RIMS2: variants seen among roughly 807,000 people sequenced by gnomAD.
RIMS2 encodes regulating synaptic membrane exocytosis protein 2.
A neutral mutation model predicts 174.4 loss-of-function variants in RIMS2; 59 were observed. The ratio of observed to expected loss-of-function variants is 0.34; its 90% CI spans 0.27 to 0.42. The LOEUF is 0.42. Ranked by LOEUF, RIMS2 falls within the 10% of genes least tolerant of loss-of-function variation. The pLI is 1.00. For synonymous variants in RIMS2, 606 were observed against 572.5 expected, an observed-to-expected ratio of 1.06 and a Z score of -0.84; for missense variants, 1,620 against 1,666.3, an observed-to-expected ratio of 0.97 and a Z score of 0.48.
rs142579080 is a variant in RIMS2, at chr8:104,241,248, G to A, written c.3335-3668G>A. Among the ~76,000 whole-genome samples, 841 of 152,200 alleles carry A rather than the reference G, an allele frequency of 5.5e-3. 20 individuals carry two copies. The highest frequency in any genetic ancestry group is 0.011 in the East Asian group (58 of 5,180). ...TGAATAGCAGAAAATGTGGAGTCTG[G>A]GAACTGTCTACAAATGCTGGTTCTG... On this transcript the variant is annotated intron_variant, in intron 19 of 23. Transcript: ENST00000504942.
intron 3 of RIMS2, among the ~76,000 whole-genome samples, chr8:103,772,761 C>G (rs1338967168): frequency 6.6e-6 from 1 of 152,000 alleles, no homozygotes; most frequent in Non-Finnish European, 1.5e-5. Flanking sequence ...ACAAATAGAT[C>G]AGTGAAACAG....
chr8:104,040,495 T>C (rs1036329772), intron 19 of RIMS2, among the ~76,000 whole-genome samples: 2 of 151,722 alleles, frequency 1.3e-5, no homozygotes, highest in Admixed American at 6.6e-5. Flanking sequence ...AAAAAAGTTT[T>C]TCCAAAACAT....
At chr8:103,634,469 G>A (rs1327374091) in intron 1 of RIMS2, among the ~76,000 whole-genome samples, 1 of 152,182 alleles carries the variant, frequency 6.6e-6, no homozygotes, top group Non-Finnish European at 1.5e-5. Context: ...TATGTTCCAT[G>A]TAGTGAGGAA....
chr8:103,808,225 T>C (rs1394438452), intron 3 of RIMS2, among the ~76,000 whole-genome samples: 2 of 152,086 alleles, frequency 1.3e-5, no homozygotes, highest in African/African-American at 4.8e-5. Context: ...TTTCTTAAAA[T>C]ACTGTCTTTT....
At chr8:104,034,135 G>A (rs1360385241) in intron 19 of RIMS2, among the ~76,000 whole-genome samples, 1 of 152,150 alleles carries the variant, frequency 6.6e-6, no homozygotes, top group Non-Finnish European at 1.5e-5. Context: ...AAAGTTGGCT[G>A]TGCATCAATA....
At chr8:103,577,503 G>A (rs1456113795) in intron 1 of RIMS2, among the ~76,000 whole-genome samples, 1 of 152,128 alleles carries the variant, frequency 6.6e-6, no homozygotes, top group African/African-American at 2.4e-5. Flanking sequence ...GGAGAAATAT[G>A]CAATGTAGGT....
intron 2 of RIMS2, among the ~76,000 whole-genome samples, chr8:103,765,076 T>C (rs1000995147): frequency 6.6e-6 from 1 of 152,204 alleles, no homozygotes; most frequent in African/African-American, 2.4e-5. Context: ...GTTGAAACTT[T>C]TACTGTGATT....
At chr8:103,647,797 G>C (rs2096369873) in intron 1 of RIMS2, among the ~76,000 whole-genome samples, 1 of 150,298 alleles carries the variant, frequency 6.7e-6, no homozygotes, top group Admixed American at 6.6e-5. Flanking sequence ...GTGTTTATTT[G>C]ATTCTTCTTT....
chr8:103,737,962 G>A (rs1298517723), intron 2 of RIMS2, among the ~76,000 whole-genome samples: 1 of 152,038 alleles, frequency 6.6e-6, no homozygotes, highest in Admixed American at 6.6e-5. Context: ...TTATATGTCT[G>A]TTTACTTGTT....
intron 17 of RIMS2, among the ~76,000 whole-genome samples, chr8:103,990,754 T>A (rs913343809): frequency 5.9e-5 from 9 of 152,034 alleles, no homozygotes; most frequent in Non-Finnish European, 8.8e-5. Flanking sequence ...GGTTTGTTAA[T>A]GGAAATGATG....
chr8:103,616,633 C>G (rs2095511079), intron 1 of RIMS2, among the ~76,000 whole-genome samples: 1 of 152,124 alleles, frequency 6.6e-6, no homozygotes, highest in African/African-American at 2.4e-5. Flanking sequence ...ATAGTCTAGG[C>G]CCAAAAGCTC....
chr8:103,905,496 T>C (rs1379187284), intron 4 of RIMS2, among the ~76,000 whole-genome samples: 2 of 152,114 alleles, frequency 1.3e-5, no homozygotes, highest in East Asian at 3.9e-4. Context: ...TGCTTTTTTC[T>C]TGGAGCTTTT....
At chr8:103,534,011 G>A (rs1014485951) in intron 1 of RIMS2, among the ~76,000 whole-genome samples, 4 of 152,096 alleles carry the variant, frequency 2.6e-5, no homozygotes, top group Admixed American at 6.5e-5. Context: ...AATTTTTTGA[G>A]CTCAAGGCTG....
chr8:103,633,365 C>A (rs1165510044), intron 1 of RIMS2, among the ~76,000 whole-genome samples: 1 of 151,948 alleles, frequency 6.6e-6, no homozygotes, highest in African/African-American at 2.4e-5. Context: ...ATGTGTTGAA[C>A]CAAACTTGCA....
chr8:103,822,470 G>C (rs1401714794), intron 3 of RIMS2, among the ~76,000 whole-genome samples: 1 of 151,400 alleles, frequency 6.6e-6, no homozygotes, highest in Admixed American at 6.6e-5. Flanking sequence ...AGATTCTTAA[G>C]TGAATTAATT....
intron 1 of RIMS2, among the ~76,000 whole-genome samples, chr8:103,643,078 T>A (rs1393588175): frequency 6.6e-6 from 1 of 152,046 alleles, no homozygotes; most frequent in African/African-American, 2.4e-5. Flanking sequence ...AGTTTTTGAA[T>A]ATGCTGTTCC....
chr8:104,180,453 G>A (rs1047187324), intron 19 of RIMS2, among the ~76,000 whole-genome samples: 2 of 150,412 alleles, frequency 1.3e-5, no homozygotes, highest in African/African-American at 4.9e-5. Flanking sequence ...TGGAGCAGTT[G>A]GTTGAAATAT....
chr8:103,618,310 G>C (rs930595437), intron 1 of RIMS2, among the ~76,000 whole-genome samples: 1 of 152,050 alleles, frequency 6.6e-6, no homozygotes, highest in Non-Finnish European at 1.5e-5. Flanking sequence ...ACAAACACTA[G>C]GATCTACTTG....
chr8:104,077,522 T>C (rs527264287), intron 19 of RIMS2, among the ~76,000 whole-genome samples: 1 of 151,622 alleles, frequency 6.6e-6, no homozygotes, highest in South Asian at 2.1e-4. Context: ...TATTGTATAG[T>C]TTATATTCCC....
Sources: allele counts gnomAD v4.1 joint callset (sites outside exome capture counted in the v4.1 genomes callset), GRCh38; gene constraint gnomAD v4.1.1; transcripts MANE v1.5; gene names NCBI Gene and HGNC (gene_info 2026-07-23, HGNC 2026-07-21).